NOX4: variants seen among roughly 807,000 people sequenced by gnomAD.
The protein encoded by NOX4 is kidney oxidase-1.
Under a neutral mutation model 87.6 loss-of-function variants are expected in NOX4, and 69 were observed. The observed-to-expected ratio is 0.79, with a 90% confidence interval of 0.65 to 0.96. The LOEUF is 0.96. Among genes scored for constraint, NOX4 ranks in the 40% least tolerant of loss-of-function variants. NOX4 has a pLI of 0.00. For missense variants in NOX4, 680 were observed against 681.5 expected, an observed-to-expected ratio of 1.00 and a Z score of 0.02; for synonymous variants, 275 against 238.2, an observed-to-expected ratio of 1.15 and a Z score of -1.42.
the NOX4 span, among the ~76,000 whole-genome samples, chr11:89,534,725 G>C: frequency 6.6e-6 from 1 of 152,212 alleles, no homozygotes; most frequent in Non-Finnish European, 1.5e-5. Flanking sequence ...TTACCCAGTA[G>C]ACTGGACTGC....
the NOX4 span, among the ~76,000 whole-genome samples, chr11:89,503,581 T>C: frequency 2.2e-4 from 34 of 151,752 alleles, 1 homozygote; most frequent in South Asian, 7.1e-3. Context: ...GTTAGAGAGG[T>C]ATTCTGATAT....
chr11:89,344,423 G>A (rs763706411), intron 13 of NOX4, among the ~76,000 whole-genome samples: 1 of 152,082 alleles, frequency 6.6e-6, no homozygotes, highest in Non-Finnish European at 1.5e-5. Context: ...GGTGGCACAT[G>A]CTTGTAATCC....
At chr11:89,578,147 C>G in the NOX4 span, among the ~76,000 whole-genome samples, 1 of 149,316 alleles carries the variant, frequency 6.7e-6, no homozygotes, top group Non-Finnish European at 1.5e-5. Context: ...GCATCATTTT[C>G]CAAGTTATTA....
the NOX4 span, among the ~76,000 whole-genome samples, chr11:89,582,707 T>G: frequency 8.5e-5 from 13 of 152,230 alleles, no homozygotes; most frequent in African/African-American, 3.1e-4. Context: ...GCTTAAAGTT[T>G]AACGTTGAAA....
chr11:89,369,382 A>G (rs1565205534), intron 12 of NOX4, among the ~76,000 whole-genome samples: 1 of 152,174 alleles, frequency 6.6e-6, no homozygotes, highest in East Asian at 1.9e-4. Flanking sequence ...AACATCTCCA[A>G]AAAAAATGAT....
chr11:89,379,300 T>C (rs1321622608), intron 11 of NOX4, among the ~76,000 whole-genome samples: 1 of 151,866 alleles, frequency 6.6e-6, no homozygotes, highest in Non-Finnish European at 1.5e-5. Context: ...AGTAAGCCCA[T>C]CTTTTGATCA....
intron 2 of NOX4, among the ~76,000 whole-genome samples, chr11:89,472,794 G>C (rs1007832926): frequency 9.2e-5 from 14 of 152,162 alleles, no homozygotes; most frequent in African/African-American, 3.4e-4. Flanking sequence ...ATGGCATTCA[G>C]AGTTGCATAT....
At chr11:89,550,218 C>T in the NOX4 span, among the ~76,000 whole-genome samples, 1 of 150,092 alleles carries the variant, frequency 6.7e-6, no homozygotes, top group South Asian at 2.1e-4. Context: ...CAGAGTCTTG[C>T]TCTGTTGCCC....
At chr11:89,474,959 C>A (rs1946101916) in intron 2 of NOX4, among the ~76,000 whole-genome samples, 2 of 146,734 alleles carry the variant, frequency 1.4e-5, no homozygotes. Context: ...TGATGTTTTT[C>A]ATTGCAGTTT....
At position 89,401,828 on chromosome 11, in the gene NOX4, T is replaced by C. The variant is rs547742617; in HGVS notation, c.846+498A>G. 7.2e-5 allele frequency among the ~76,000 whole-genome samples: 11 copies of C among 152,282 alleles called. No homozygotes were observed. In the East Asian group the frequency reaches 2.1e-3, roughly 29 times the overall value. On this transcript the variant is annotated intron_variant, in intron 9 of 17. Transcript: ENST00000263317. ...ATTGCGAATATTGCAAGAAACATTC[T>C]GTATGTCTAATAAGTGTTCTGTATT...
At chr11:89,461,569 C>T (rs1429609086) in intron 2 of NOX4, among the ~76,000 whole-genome samples, 1 of 151,376 alleles carries the variant, frequency 6.6e-6, no homozygotes, top group Non-Finnish European at 1.5e-5. Flanking sequence ...GGCATGAACC[C>T]GGAAGGCAGA....
At chr11:89,528,216 G>C in the NOX4 span, among the ~76,000 whole-genome samples, 1 of 152,160 alleles carries the variant, frequency 6.6e-6, no homozygotes, top group East Asian at 1.9e-4. Context: ...CCCAATGCCT[G>C]TACACCCCTT....
At chr11:89,384,962 G>C (rs758544598) in intron 11 of NOX4, among the ~76,000 whole-genome samples, 1 of 151,786 alleles carries the variant, frequency 6.6e-6, no homozygotes, top group Non-Finnish European at 1.5e-5. Flanking sequence ...TTGGTTTATC[G>C]ATGGCAGTTC....
intron 2 of NOX4, among the ~76,000 whole-genome samples, chr11:89,462,258 T>C (rs917536323): frequency 2.0e-5 from 3 of 152,104 alleles, no homozygotes; most frequent in Non-Finnish European, 4.4e-5. Context: ...CCATGTTTCA[T>C]GTAGGGAGAT....
chr11:89,372,859 A>G (rs567370928), intron 12 of NOX4, among the ~76,000 whole-genome samples: 1 of 152,020 alleles, frequency 6.6e-6, no homozygotes, highest in African/African-American at 2.4e-5. Context: ...AAATATTAAT[A>G]TAAGAGAGAA....
At chr11:89,333,456 G>C (rs1730731757) in intron 17 of NOX4, among the ~76,000 whole-genome samples, 1 of 150,886 alleles carries the variant, frequency 6.6e-6, no homozygotes, top group Non-Finnish European at 1.5e-5. Context: ...ACTTACAAAA[G>C]CTTCTGTAAG....
At chr11:89,518,086 A>C in the NOX4 span, among the ~76,000 whole-genome samples, 2 of 152,118 alleles carry the variant, frequency 1.3e-5, no homozygotes, top group Non-Finnish European at 2.9e-5. Context: ...GATTAAATAA[A>C]TTGGCTAAAC....
intron 2 of NOX4, among the ~76,000 whole-genome samples, chr11:89,480,091 T>C (rs1247529722): frequency 6.6e-6 from 1 of 152,170 alleles, no homozygotes; most frequent in African/African-American, 2.4e-5. Flanking sequence ...TGCATGTAAC[T>C]GGACCTGCGC....
At chr11:89,589,004 T>A in the NOX4 span, among the ~76,000 whole-genome samples, 1 of 152,290 alleles carries the variant, frequency 6.6e-6, no homozygotes, top group Non-Finnish European at 1.5e-5. Context: ...AATATATGAT[T>A]AAGAAATACA....
Sources: allele counts gnomAD v4.1 joint callset (sites outside exome capture counted in the v4.1 genomes callset), GRCh38; gene constraint gnomAD v4.1.1; transcripts MANE v1.5; gene names NCBI Gene and HGNC (gene_info 2026-07-23, HGNC 2026-07-21).